Variants in ADGRG4 observed in about 807,000 individuals in gnomAD.
ADGRG4 encodes adhesion G protein-coupled receptor G4.
A neutral mutation model predicts 126.2 loss-of-function variants in ADGRG4; 122 were observed. The ratio of observed to expected loss-of-function variants is 0.97; its 90% CI spans 0.83 to 1.12. The LOEUF is 1.12. Among genes scored for constraint, ADGRG4 ranks in the 50% most tolerant of loss-of-function variants. The pLI is 0.00. For missense variants in ADGRG4, 2,481 were observed against 2,251.8 expected, an observed-to-expected ratio of 1.10 and a Z score of -2.06; for synonymous variants, 943 against 838.7, an observed-to-expected ratio of 1.12 and a Z score of -2.15.
intron 13 of ADGRG4, among the ~76,000 whole-genome samples, chrX:136,363,888 C>A (rs779266431): frequency 9.0e-6 from 1 of 111,169 alleles, no homozygotes; most frequent in Non-Finnish European, 1.9e-5. Context: ...TGGCTCACTG[C>A]AACCTCTGCC....
intron 7 of ADGRG4, 117 bp downstream of exon 7, chrX:136,351,658 T>C (rs1175252330): frequency 6.1e-6 from 2 of 327,980 alleles, no homozygotes; most frequent in African/African-American, 5.6e-5. Context: ...ATAATAAATT[T>C]CACAGCTAAG....
chrX:136,356,577 A>G (rs1435071518), intron 9 of ADGRG4, among the ~76,000 whole-genome samples: 1 of 112,232 alleles, frequency 8.9e-6, no homozygotes, highest in Non-Finnish European at 1.9e-5. Context: ...CCTTGCCCCA[A>G]TTCTCAGTTC....
At chrX:136,389,146 CTA>C (rs990837453) in intron 16 of ADGRG4, among the ~76,000 whole-genome samples, 2 of 111,914 alleles carry the variant, frequency 1.8e-5, no homozygotes, top group African/African-American at 6.5e-5. Context: ...TCTCTAAATT[CTA>C]TGTGTTCCTG....
In ADGRG4 at chrX:136,404,589, A is replaced by G. The variant is rs951334829; in HGVS notation, c.8655-1103A>G. Among the ~76,000 whole-genome samples the G allele has an allele frequency of 7.2e-5, 8 of 111,767 alleles. No homozygotes were observed. The Admixed American group carries it at 7.6e-4, about 11-fold the overall frequency. ...AACTCTTATTACCAATTTATTACCA[A>G]CGATCAAATTTGTATGGATATTCTC... On this transcript the variant is annotated intron_variant, in intron 22 of 25. Transcript: ENST00000394143.
intron 5 of ADGRG4, among the ~76,000 whole-genome samples, chrX:136,343,044 T>C (rs937742801): frequency 1.8e-5 from 2 of 109,389 alleles, no homozygotes; most frequent in Non-Finnish European, 3.8e-5. Context: ...GCTACTGCAG[T>C]AGTCCAAGTG....
intron 15 of ADGRG4, among the ~76,000 whole-genome samples, chrX:136,383,870 CTTTCTTCTTTCTTCCT>C (rs1569333955): frequency 9.5e-5 from 7 of 73,807 alleles, no homozygotes; most frequent in African/African-American, 3.2e-4. Flanking sequence ...TTCTTTCTTT[CTTTCTTCTTTCTTCCT>C]TTCCTTTCCT....
At position 136,346,251 on chromosome X, in the gene ADGRG4, C is replaced by T; in HGVS notation, c.2545C>T (p.Leu849Phe). 1.7e-6 allele frequency: 2 copies of T among 1,209,559 alleles called. No homozygotes were observed. Among genetic ancestry groups the T allele is most frequent in the Non-Finnish European group, 2.2e-6 (2 of 893,913 alleles). Residue 849 changes from leucine (L) to phenylalanine (F), a missense_variant, in exon 6 of 26, where the codon CTT (leucine) becomes TTT (phenylalanine). Physicochemically the swap from Leu to Phe is conservative, Grantham distance 22 (BLOSUM62 0). Transcript: ENST00000394143. ...VTRKEATSHY[L>F]MRKSTIAAVA... ...AAGAAAAGAAGCAACTTCCCATTAT[C>T]TTATGAGAAAATCAACTATAGCAGC... is the stretch of plus-strand genomic sequence containing the variant.
At chrX:136,394,988 A>G (rs2089823836) in intron 18 of ADGRG4, among the ~76,000 whole-genome samples, 1 of 111,804 alleles carries the variant, frequency 8.9e-6, no homozygotes, top group Non-Finnish European at 1.9e-5. Flanking sequence ...TTGCGGGTTC[A>G]GCTGGGTGTT....
Position 136,346,651 on chromosome X carries a change from C to T in ADGRG4, c.2945C>T (p.Pro982Leu). ...RISETSFSTTPTDRTATSLSD... is the reference protein window; with the variant it reads ...RISETSFSTTLTDRTATSLSD... ...TCAGAAACCAGTTTCTCCACTACCC[C>T]TACAGACAGGACAGCTACGTCCTTG... The change falls in exon 6 of 26, where the codon CCT becomes CTT. Residue 982 changes from proline (P) to leucine (L), a missense_variant. Pro to Leu is a moderately conservative substitution (Grantham distance 98). Transcript: ENST00000394143. The T allele has an allele frequency of 8.3e-7, 1 of 1,211,006 alleles. No individual in the cohort carries two copies. The highest frequency in any genetic ancestry group is 1.1e-6 in the Non-Finnish European group (1 of 894,935).
chrX:136,390,225 A>AT (rs915449436), intron 16 of ADGRG4, among the ~76,000 whole-genome samples: 15 of 110,346 alleles, frequency 1.4e-4, no homozygotes, highest in Non-Finnish European at 2.3e-4. Context: ...TAATTTTCAT[A>AT]TTTTTTTGTA....
In ADGRG4 at chrX:136,397,914, G is replaced by T; in HGVS notation, c.8218G>T (p.Glu2740Ter). 8.3e-7 allele frequency: 1 copy of T among 1,202,377 alleles called. No individual in the cohort carries two copies. The highest frequency in any genetic ancestry group is 1.1e-6 in the Non-Finnish European group (1 of 886,970). ...LSRSTVDSVN[E>*]QILALITYTG... ...CAGGTCTACAGTGGATTCAGTGAAT[G>T]AACAGATATTAGCGCTTATAACATA... Residue 2740 changes from glutamate to a stop codon, truncating the protein, a stop_gained, in exon 20 of 26, where the codon GAA (glutamate) becomes TAA (stop). Coordinates refer to ENST00000394143, the MANE Select transcript of ADGRG4 (RefSeq NM_153834.4). LOFTEE classifies it high-confidence loss of function.
chrX:136,362,865 C>T (rs1439295760), intron 12 of ADGRG4, among the ~76,000 whole-genome samples: 1 of 111,326 alleles, frequency 9.0e-6, no homozygotes. Context: ...AGTAGTTACA[C>T]TTAGAATTTT....
intron 4 of ADGRG4, among the ~76,000 whole-genome samples, chrX:136,316,665 G>A (rs1038722555): frequency 1.8e-5 from 2 of 108,164 alleles, no homozygotes; most frequent in East Asian, 5.7e-4. Flanking sequence ...ATGGGGTTTC[G>A]CCATGTTGGC....
intron 19 of ADGRG4, among the ~76,000 whole-genome samples, chrX:136,397,524 G>C (rs1297464629): frequency 3.2e-5 from 2 of 62,838 alleles, no homozygotes; most frequent in Non-Finnish European, 5.7e-5. Flanking sequence ...TTGCTGTTCT[G>C]TGTAGTGTTT....
intron 15 of ADGRG4, among the ~76,000 whole-genome samples, chrX:136,377,223 C>T (rs1165700360): frequency 7.3e-5 from 6 of 81,925 alleles, no homozygotes; most frequent in African/African-American, 2.6e-4. Context: ...GAGTGGGTCT[C>T]GCTCTTTCAC....
chrX:136,406,366 T>C (rs1038984361), intron 23 of ADGRG4, among the ~76,000 whole-genome samples: 1 of 111,989 alleles, frequency 8.9e-6, no homozygotes, highest in African/African-American at 3.2e-5. Context: ...TCCTAATATT[T>C]TGGGAAAGAG....
intron 18 of ADGRG4, among the ~76,000 whole-genome samples, chrX:136,393,845 G>A (rs1230114019): frequency 8.9e-6 from 1 of 112,077 alleles, no homozygotes; most frequent in Non-Finnish European, 1.9e-5. Context: ...CTTACCTGCA[G>A]TTTCCTGAAG....
At chrX:136,359,176 G>A in intron 10 of ADGRG4, 116 bp from the exon 11 acceptor site, 2 of 580,429 alleles carry the variant, frequency 3.4e-6, no homozygotes, top group Non-Finnish European at 2.8e-6. Context: ...GCTGTAAAAT[G>A]TTTGACATTT....
chrX:136,311,731 G>C (rs1473219855), intron 4 of ADGRG4, among the ~76,000 whole-genome samples: 1 of 111,612 alleles, frequency 9.0e-6, no homozygotes, highest in African/African-American at 3.3e-5. Flanking sequence ...TCCTTAGGCT[G>C]TAGAGACAAA....
Sources: allele counts gnomAD v4.1 joint callset (sites outside exome capture counted in the v4.1 genomes callset), GRCh38; gene constraint gnomAD v4.1.1; transcripts MANE v1.5; gene names NCBI Gene and HGNC (gene_info 2026-07-23, HGNC 2026-07-21).